The following USP7 variants were observed in gnomAD, a reference collection of about 807,000 sequenced individuals.
USP7 encodes ubiquitin C-terminal hydrolase 7.
USP7 carries 9 observed loss-of-function variants against 162.9 expected under a neutral mutation model. The ratio of observed to expected loss-of-function variants is 0.06; its 90% CI spans 0.03 to 0.10. The LOEUF (loss-of-function observed/expected upper bound fraction) is 0.10. Ranked by LOEUF, USP7 falls within the 10% of genes least tolerant of loss-of-function variation. The pLI is 1.00. For missense variants in USP7, 715 were observed against 1,373.7 expected (o/e 0.52, Z 7.58); for synonymous variants, 562 against 475.9 (o/e 1.18, Z -2.35).
In USP7 at chr16:8,899,729, A is replaced by G. The variant is rs1351591659; in HGVS notation, c.2338T>C (p.Leu780=). Residue 780 remains leucine (L), a synonymous_variant, in exon 22 of 31, where the codon TTA becomes CTA. Coordinates refer to ENST00000344836, the MANE Select transcript of USP7 (RefSeq NM_003470.3). ...CGGAAATACTCCTTTGCGGTGGGTAATTCACTGTTATCATTTTCAGGGTCA... is the reference window on the plus strand; with the variant it reads ...CGGAAATACTCCTTTGCGGTGGGTAGTTCACTGTTATCATTTTCAGGGTCA... ...KDDPENDNSE[L]PTAKEYFRDL... is the part of the protein sequence containing the mutation. 1 of 1,614,226 alleles carries G rather than the reference A, an allele frequency of 6.2e-7. No homozygotes were observed. Among genetic ancestry groups the G allele is most frequent in the Non-Finnish European group, 8.5e-7 (1 of 1,180,048 alleles).
chr16:8,962,983 G>C (rs758515943), intron 1 of USP7: 5 of 248,820 alleles, frequency 2.0e-5, no homozygotes. Flanking sequence ...GCGGACGCGA[G>C]GTCGGGACAA....
chr16:8,962,471 G>T, intron 1 of USP7: 1 of 449,680 alleles, frequency 2.2e-6, no homozygotes, highest in Non-Finnish European at 4.5e-6. Context: ...AGAAAACCGA[G>T]TTACCTTTCG....
chr16:8,919,143 A>C lies in USP7; in HGVS notation c.612-4T>G. The stretch of plus-strand genomic sequence containing the variant: ...TGTGTGCTTCTTTGAATCCCACCTG[A>C]AAGATCAGTTCAAGGTTGAGGGGAT... On this transcript the variant is annotated splice_region_variant and splice_polypyrimidine_tract_variant and intron_variant, in intron 5 of 30. Coordinates refer to ENST00000344836, the MANE Select transcript of USP7 (RefSeq NM_003470.3). The C allele has an allele frequency of 6.2e-7, 1 of 1,613,934 alleles. No individual in the cohort carries two copies.
At position 8,894,659 on chromosome 16, in the gene USP7, A is replaced by C. The variant is rs765337096; in HGVS notation, c.3112-19T>G. 1.9e-6 allele frequency: 3 copies of C among 1,612,300 alleles called. No individual in the cohort carries two copies. The highest frequency in any genetic ancestry group is 2.2e-5 in the East Asian group (1 of 44,870). ...ATTTAAACTAAAAGAAAAAAAATTA[A>C]AACTCCTCCGTTATTTCTGTATATC... is the stretch of plus-strand genomic sequence containing the variant. On this transcript the variant is annotated intron_variant, in intron 29 of 30. Transcript: ENST00000344836.
rs774275921 is a variant in USP7 at position 8,895,039 on chromosome 16, T to A, written c.3031A>T (p.Ile1011Leu). 1.3e-5 allele frequency: 21 copies of A among 1,614,092 alleles called. No individual in the cohort carries two copies. The highest frequency in any genetic ancestry group is 1.7e-5 in the Non-Finnish European group (20 of 1,180,042). ...CAACCACAACAGCATACCTGGTGTA[T>A]CCTCAGCAAAAACGGGATTCCGAAC... The part of the protein sequence containing the change: ...GTFGIPFLLR[I>L]HQGEHFREVM... The change falls in exon 28 of 31, where the codon ATA (isoleucine) becomes TTA (leucine). Residue 1011 changes from isoleucine (I) to leucine (L), a missense_variant. Around this residue, in one of 11 missense-constraint regions of USP7, gnomAD observed 222 missense variants for 441.7 expected, o/e 0.50. Coordinates refer to ENST00000344836, the MANE Select transcript of USP7 (RefSeq NM_003470.3).
chr16:8,916,064 T>C (rs541995395), intron 8 of USP7, among the ~76,000 whole-genome samples: 4 of 152,294 alleles, frequency 2.6e-5, no homozygotes, highest in African/African-American at 9.6e-5. Context: ...TAGTGATTAG[T>C]GATGGCGCGG....
chr16:8,923,065 G>C (rs1348314683), intron 3 of USP7, 150 bp downstream of exon 3: 1 of 625,870 alleles, frequency 1.6e-6, no homozygotes, highest in African/African-American at 1.8e-5. Flanking sequence ...TTCTAGCTTG[G>C]ATATTATACA....
chr16:8,917,299 C>A, intron 6 of USP7, 143 bp from the exon 7 acceptor site: 1 of 978,136 alleles, frequency 1.0e-6, no homozygotes, highest in East Asian at 2.8e-5. Flanking sequence ...TTTAACGATC[C>A]CCAAATTGGT....
chr16:8,940,598 G>A (rs372120557), intron 1 of USP7, among the ~76,000 whole-genome samples: 14 of 152,108 alleles, frequency 9.2e-5, no homozygotes, highest in African/African-American at 3.1e-4. Flanking sequence ...AAGCTCCCGA[G>A]GCATCCACAG....
At chr16:8,941,550 C>T (rs757761556) in intron 1 of USP7, among the ~76,000 whole-genome samples, 4 of 152,208 alleles carry the variant, frequency 2.6e-5, no homozygotes, top group African/African-American at 4.8e-5. Flanking sequence ...AAACACATTT[C>T]GGCTTTTTTG....
In USP7 at chr16:8,963,352, G is replaced by T; in HGVS notation, c.-67C>A. The T allele has an allele frequency of 1.9e-6, 1 of 529,312 alleles. No individual in the cohort carries two copies. Among genetic ancestry groups the T allele is most frequent in the Non-Finnish European group, 2.4e-6 (1 of 416,620 alleles). The allele number at this position is 529,312 out of a possible 1,614,324, so 32.8% of individuals were successfully genotyped here. The stretch of plus-strand genomic sequence containing the variant: ...GCTGCGAGCCCGGCGGGCGGGCGGC[G>T]GCGAGCCGGGGCGGCGGCGGCGGCG... On this transcript the variant is annotated 5_prime_UTR_variant, in exon 1 of 31. Transcript: ENST00000344836.
intron 2 of USP7, among the ~76,000 whole-genome samples, chr16:8,926,502 A>G (rs1035528582): frequency 6.6e-6 from 1 of 152,076 alleles, no homozygotes; most frequent in African/African-American, 2.4e-5. Flanking sequence ...TCAAGATAGG[A>G]GGGCCAAAAA....
At chr16:8,926,651 A>T (rs926559681) in intron 2 of USP7, among the ~76,000 whole-genome samples, 1 of 152,144 alleles carries the variant, frequency 6.6e-6, no homozygotes, top group Non-Finnish European at 1.5e-5. Flanking sequence ...CCTATGTATT[A>T]TTTTTTTGCA....
intron 1 of USP7, among the ~76,000 whole-genome samples, chr16:8,958,605 T>C (rs545977674): frequency 9.9e-5 from 15 of 152,200 alleles, no homozygotes; most frequent in African/African-American, 3.6e-4. Context: ...CAACAGGATG[T>C]GGGATAGAGA....
intron 27 of USP7, 143 bp downstream of exon 27, chr16:8,895,499 G>A: frequency 1.3e-6 from 1 of 785,758 alleles, no homozygotes; most frequent in Non-Finnish European, 2.1e-6. Context: ...AAACACTGTA[G>A]GTCCACTCAT....
intron 1 of USP7, among the ~76,000 whole-genome samples, chr16:8,942,362 G>A (rs533640319): frequency 6.6e-6 from 1 of 152,226 alleles, no homozygotes; most frequent in South Asian, 2.1e-4. Context: ...CAAGCAGTGG[G>A]GTCTGTCCCA....
chr16:8,922,160 T>C (rs895158111), intron 3 of USP7, among the ~76,000 whole-genome samples: 1 of 152,174 alleles, frequency 6.6e-6, no homozygotes, highest in African/African-American at 2.4e-5. Context: ...CCACAGGCCC[T>C]GGCTGCATCA....
In USP7 at chr16:8,915,615, C is replaced by CTATATAG. The variant is rs1488969366; in HGVS notation, c.907-91_907-90insCTATATA. On this transcript the variant is annotated intron_variant, in intron 8 of 30. Coordinates refer to ENST00000344836, the MANE Select transcript of USP7 (RefSeq NM_003470.3). ...ATAATTGACTAGAAATATCAATGTT[C>CTATATAG]AAAGAAGTTGTAGACTATAAAAATA... is the stretch of plus-strand genomic sequence containing the variant. 282 of 1,164,374 alleles carry CTATATAG rather than the reference C, an allele frequency of 2.4e-4. 3 individuals are homozygous for CTATATAG. The East Asian group carries it at 6.6e-3, about 27-fold the overall frequency. 72.1% of individuals were successfully genotyped at this position (1,164,374 alleles called of 1,614,324 possible). A position where few individuals can be genotyped will look rare whatever the true frequency, so the allele number is the denominator to read the frequency against.
rs778048830 is a variant in USP7 at position 8,905,340 on chromosome 16, A to G, written c.1429-9T>C. 15 of 1,613,504 alleles carry G rather than the reference A, an allele frequency of 9.3e-6. No individual in the cohort carries two copies. The highest frequency in any genetic ancestry group is 8.3e-5 in the Admixed American group (5 of 60,026). On this transcript the variant is annotated splice_polypyrimidine_tract_variant and intron_variant, in intron 13 of 30. Transcript: ENST00000344836. ...TCATCAAATTTACACCACTGCAAGG[A>G]AAACAACACACACCAGCAGCGATCA...
Sources: gnomAD v4.1 joint callset for allele counts (sites outside exome capture counted in the v4.1 genomes callset) on GRCh38, gnomAD v4.1.1 for gene constraint, gnomAD v4.1.1 regional missense constraint, MANE v1.5 for transcripts, NCBI Gene and HGNC (gene_info 2026-07-23, HGNC 2026-07-21) for gene names.